The following LRMDA variants were observed in gnomAD, a reference collection of about 807,000 sequenced individuals.
LRMDA encodes leucine-rich melanocyte differentiation-associated protein.
Under a neutral mutation model 29.8 loss-of-function variants are expected in LRMDA, and 18 were observed. That is an observed-to-expected ratio of 0.60 (90% confidence interval 0.42 to 0.90). The LOEUF is 0.90. LRMDA is among the 40% of genes least tolerant of loss of function. The pLI is 0.00. For missense variants in LRMDA, 273 were observed against 273.9 expected, an observed-to-expected ratio of 1.00 and a Z score of 0.02; for synonymous variants, 125 against 109.4, an observed-to-expected ratio of 1.14 and a Z score of -0.89.
In LRMDA at chr10:76,043,130, A is replaced by AC. The variant is rs1158273036; in HGVS notation, c.259-4034_259-4033insC. Among the ~76,000 whole-genome samples the AC allele has an allele frequency of 1.6e-4, 25 of 152,266 alleles. No homozygotes were observed. In the South Asian group the frequency reaches 3.3e-3, roughly 20 times the overall value. On this transcript the variant is annotated intron_variant, in intron 3 of 6. Transcript: ENST00000611255. ...GAGTGAGACTCTGTCTCAAAAAAAA[A>AC]GATTTCAGGACATTTTAAGTTGTGT...
intron 2 of LRMDA, among the ~76,000 whole-genome samples, chr10:75,524,524 A>G (rs1197997220): frequency 6.6e-6 from 1 of 152,192 alleles, no homozygotes; most frequent in Non-Finnish European, 1.5e-5. Flanking sequence ...TGCCTGGCAT[A>G]CATAGGAATT....
At chr10:76,095,152 C>T (rs565005451) in intron 5 of LRMDA, among the ~76,000 whole-genome samples, 2 of 152,308 alleles carry the variant, frequency 1.3e-5, no homozygotes, top group African/African-American at 2.4e-5. Flanking sequence ...CCAACCATCC[C>T]TACCATCCCC....
At chr10:76,085,851 C>G (rs1346774351) in intron 5 of LRMDA, among the ~76,000 whole-genome samples, 1 of 152,190 alleles carries the variant, frequency 6.6e-6, no homozygotes, top group Non-Finnish European at 1.5e-5. Flanking sequence ...CACCCCCATC[C>G]TCTTCCTCAT....
At chr10:76,317,723 G>A (rs1344487720) in intron 5 of LRMDA, among the ~76,000 whole-genome samples, 3 of 151,938 alleles carry the variant, frequency 2.0e-5, no homozygotes, top group Non-Finnish European at 4.4e-5. Context: ...ACAGGTGCCC[G>A]CCACCACACC....
chr10:76,035,844 C>T (rs1017502255), intron 2 of LRMDA, among the ~76,000 whole-genome samples, 164 bp from the exon 3 acceptor site: 1 of 152,162 alleles, frequency 6.6e-6, no homozygotes, highest in African/African-American at 2.4e-5. Flanking sequence ...CCGCCGCCCC[C>T]GCCCCGACTC....
chr10:75,617,741 C>G (rs1439970701), intron 2 of LRMDA, among the ~76,000 whole-genome samples: 5 of 152,200 alleles, frequency 3.3e-5, no homozygotes, highest in Admixed American at 6.5e-5. Flanking sequence ...CCCATGGGTT[C>G]CTTTCTCCCT....
intron 5 of LRMDA, among the ~76,000 whole-genome samples, chr10:76,133,585 A>G (rs1240424297): frequency 6.6e-6 from 1 of 152,202 alleles, no homozygotes; most frequent in African/African-American, 2.4e-5. Flanking sequence ...ACTCTGCTTA[A>G]AACAAACAAG....
chr10:76,017,531 T>C (rs1321031112), intron 2 of LRMDA, among the ~76,000 whole-genome samples: 1 of 152,216 alleles, frequency 6.6e-6, no homozygotes, highest in Non-Finnish European at 1.5e-5. Context: ...CTGCTACACC[T>C]CATGTTCTGT....
chr10:75,618,945 G>A (rs906317048), intron 2 of LRMDA, among the ~76,000 whole-genome samples: 31 of 151,966 alleles, frequency 2.0e-4, no homozygotes, highest in African/African-American at 6.3e-4. Flanking sequence ...ACCACTCCTG[G>A]CTAATTTTTT....
chr10:75,751,208 G>A (rs554326838), intron 2 of LRMDA, among the ~76,000 whole-genome samples: 8 of 152,130 alleles, frequency 5.3e-5, no homozygotes, highest in African/African-American at 9.7e-5. Context: ...CCAGGCACTC[G>A]GCAGGCTGAG....
chr10:76,348,833 G>A (rs1242977193), intron 6 of LRMDA, among the ~76,000 whole-genome samples: 1 of 152,200 alleles, frequency 6.6e-6, no homozygotes, highest in Admixed American at 6.5e-5. Context: ...AATAAATGCA[G>A]CAAACTGTGA....
intron 5 of LRMDA, among the ~76,000 whole-genome samples, chr10:76,222,539 A>G (rs1244659827): frequency 6.6e-6 from 1 of 152,256 alleles, no homozygotes; most frequent in East Asian, 1.9e-4. Flanking sequence ...ATCACTGGCC[A>G]TCAGAGAAAT....
chr10:76,076,116 G>A (rs934772002), intron 5 of LRMDA, among the ~76,000 whole-genome samples: 1 of 152,054 alleles, frequency 6.6e-6, no homozygotes, highest in East Asian at 1.9e-4. Context: ...GGCCGAGGTG[G>A]GTGGGTCACG....
At chr10:75,631,660 G>A (rs763229763) in intron 2 of LRMDA, among the ~76,000 whole-genome samples, 24 of 152,118 alleles carry the variant, frequency 1.6e-4, no homozygotes, top group Admixed American at 6.5e-4. Flanking sequence ...TTGGTGAGTC[G>A]GGGTGTAATT....
chr10:75,506,022 C>T (rs149670732), intron 2 of LRMDA, among the ~76,000 whole-genome samples: 39 of 152,284 alleles, frequency 2.6e-4, no homozygotes, highest in African/African-American at 8.9e-4. Context: ...AGAAAACCTG[C>T]GGTGAACTTA....
chr10:75,584,340 C>G (rs539578055), intron 2 of LRMDA, among the ~76,000 whole-genome samples: 1 of 152,126 alleles, frequency 6.6e-6, no homozygotes, highest in Non-Finnish European at 1.5e-5. Flanking sequence ...AACTGGCTTA[C>G]GTGTTCCTCT....
intron 6 of LRMDA, among the ~76,000 whole-genome samples, chr10:76,477,864 A>G (rs1002472869): frequency 2.0e-5 from 3 of 152,210 alleles, no homozygotes; most frequent in Non-Finnish European, 4.4e-5. Context: ...GAAAGCTGAA[A>G]CTGGATCCTT....
At chr10:76,549,304 T>A (rs1843466000) in intron 6 of LRMDA, among the ~76,000 whole-genome samples, 1 of 152,134 alleles carries the variant, frequency 6.6e-6, no homozygotes, top group African/African-American at 2.4e-5. Flanking sequence ...CCAGTATCCC[T>A]TCCCTGCTGA....
intron 5 of LRMDA, among the ~76,000 whole-genome samples, chr10:76,213,875 A>G (rs1471591399): frequency 6.6e-6 from 1 of 151,016 alleles, no homozygotes; most frequent in Non-Finnish European, 1.5e-5. Context: ...GTTAATGGTA[A>G]TGCTTTTAAA....
Sources: allele counts gnomAD v4.1 joint callset (sites outside exome capture counted in the v4.1 genomes callset), GRCh38; gene constraint gnomAD v4.1.1; transcripts MANE v1.5; gene names NCBI Gene and HGNC (gene_info 2026-07-23, HGNC 2026-07-21).